The following EEPD1 variants were observed in gnomAD, a reference collection of about 807,000 sequenced individuals.
The protein encoded by EEPD1 is endonuclease/exonuclease/phosphatase family domain containing 1, also known as endonuclease/exonuclease/phosphatase family domain-containing protein 1.
In EEPD1, 17 loss-of-function variants were observed where a neutral mutation model predicts 46.3. That is an observed-to-expected ratio of 0.37 (90% CI 0.25 to 0.55). The LOEUF (loss-of-function observed/expected upper bound fraction) is 0.55, where lower values mean the gene tolerates loss of function less well. Among genes scored for constraint, EEPD1 ranks in the 20% least tolerant of loss-of-function variants. EEPD1 has a pLI of 0.83. For missense variants in EEPD1, 673 were observed against 745.6 expected, an observed-to-expected ratio of 0.90 and a Z score of 1.13; for synonymous variants, 313 against 315.6, an observed-to-expected ratio of 0.99 and a Z score of 0.09.
At chr7:36,246,105 A>G (rs1786636607) in intron 3 of EEPD1, among the ~76,000 whole-genome samples, 1 of 152,236 alleles carries the variant, frequency 6.6e-6, no homozygotes, top group Non-Finnish European at 1.5e-5. Context: ...GGACCGTGGT[A>G]GGACCAGAGG....
chr7:36,185,401 TGGAG>T (rs1216990743), intron 2 of EEPD1, among the ~76,000 whole-genome samples: 1 of 152,216 alleles, frequency 6.6e-6, no homozygotes, highest in Non-Finnish European at 1.5e-5. Flanking sequence ...CATTCTGTGG[TGGAG>T]GGACGCTTAG....
At chr7:36,186,359 C>T (rs754006617) in intron 2 of EEPD1, among the ~76,000 whole-genome samples, 6 of 152,142 alleles carry the variant, frequency 3.9e-5, no homozygotes, top group Non-Finnish European at 7.3e-5. Context: ...GAGTCAGGGC[C>T]GCTCTTCTGA....
chr7:36,268,649 A>G (rs996305475), intron 3 of EEPD1, among the ~76,000 whole-genome samples: 1 of 152,072 alleles, frequency 6.6e-6, no homozygotes, highest in Non-Finnish European at 1.5e-5. Flanking sequence ...GGTGTATTTC[A>G]GAAATTGTGC....
intron 3 of EEPD1, among the ~76,000 whole-genome samples, chr7:36,270,937 T>C (rs1327298107): frequency 6.6e-6 from 1 of 152,186 alleles, no homozygotes; most frequent in Non-Finnish European, 1.5e-5. Context: ...AAAGCGTTCC[T>C]ATTTCTCCAC....
chr7:36,219,764 A>G (rs993576302), intron 2 of EEPD1, among the ~76,000 whole-genome samples: 3 of 141,656 alleles, frequency 2.1e-5, no homozygotes, highest in African/African-American at 8.3e-5. Flanking sequence ...GCATTTAAAG[A>G]GAGAGAGAGA....
chr7:36,279,249 A>T (rs1179847007), intron 3 of EEPD1, among the ~76,000 whole-genome samples: 1 of 152,168 alleles, frequency 6.6e-6, no homozygotes, highest in Non-Finnish European at 1.5e-5. Context: ...GTAGGGGTTT[A>T]TAAAGGAGGC....
chr7:36,275,388 G>A (rs1297316960), intron 3 of EEPD1, among the ~76,000 whole-genome samples: 3 of 152,180 alleles, frequency 2.0e-5, no homozygotes, highest in East Asian at 1.9e-4. Context: ...TCTGAACTTA[G>A]TGGTAGCTGG....
chr7:36,209,566 C>T (rs1024726306), intron 2 of EEPD1, among the ~76,000 whole-genome samples: 1 of 152,160 alleles, frequency 6.6e-6, no homozygotes, highest in African/African-American at 2.4e-5. Flanking sequence ...TGATCCTTTC[C>T]TGTAGCTGGG....
At chr7:36,227,073 A>AG (rs368533136) in intron 2 of EEPD1, among the ~76,000 whole-genome samples, 13 of 152,002 alleles carry the variant, frequency 8.6e-5, no homozygotes, top group South Asian at 4.1e-4. Context: ...TAAAGAAGGG[A>AG]GGGGGGGTGG....
At chr7:36,279,557 G>C (rs555582192) in intron 3 of EEPD1, among the ~76,000 whole-genome samples, 1 of 152,314 alleles carries the variant, frequency 6.6e-6, no homozygotes, top group South Asian at 2.1e-4. Context: ...TATGTGGGCT[G>C]CCCAGGGGGC....
chr7:36,260,944 G>A (rs1309841312), intron 3 of EEPD1, among the ~76,000 whole-genome samples: 1 of 152,168 alleles, frequency 6.6e-6, no homozygotes, highest in Non-Finnish European at 1.5e-5. Flanking sequence ...ATTGTATTAG[G>A]TATTATAAGT....
chr7:36,203,267 G>A (rs909968095), intron 2 of EEPD1, among the ~76,000 whole-genome samples: 3 of 152,194 alleles, frequency 2.0e-5, no homozygotes, highest in African/African-American at 7.2e-5. Flanking sequence ...GGCATTCTGG[G>A]AGTGGGCTGC....
At chr7:36,230,223 GGACCC>G (rs2115763836) in intron 2 of EEPD1, among the ~76,000 whole-genome samples, 1 of 152,010 alleles carries the variant, frequency 6.6e-6, no homozygotes, top group South Asian at 2.1e-4. Flanking sequence ...TCTCTTACCT[GGACCC>G]GTCCTGGGTC....
At chr7:36,287,489 C>A in intron 5 of EEPD1, 150 bp from the exon 6 acceptor site, 1 of 1,233,220 alleles carries the variant, frequency 8.1e-7, no homozygotes, top group South Asian at 1.6e-5. Context: ...GATGAAAGAC[C>A]TTACATTATT....
intron 6 of EEPD1, among the ~76,000 whole-genome samples, chr7:36,291,181 T>G (rs932541956): frequency 4.6e-5 from 7 of 152,252 alleles, no homozygotes; most frequent in African/African-American, 1.7e-4. Context: ...TTTGTTTTCT[T>G]TGATATTCAA....
At chr7:36,226,114 T>C (rs1021163472) in intron 2 of EEPD1, among the ~76,000 whole-genome samples, 1 of 152,150 alleles carries the variant, frequency 6.6e-6, no homozygotes, top group Non-Finnish European at 1.5e-5. Context: ...GACAACCAAA[T>C]GCCTGTATTC....
intron 2 of EEPD1, among the ~76,000 whole-genome samples, chr7:36,219,160 C>A (rs1786087696): frequency 6.6e-6 from 1 of 151,856 alleles, no homozygotes; most frequent in Non-Finnish European, 1.5e-5. Context: ...ATTGGGTGGG[C>A]AGATGTGTGA....
intron 6 of EEPD1, among the ~76,000 whole-genome samples, chr7:36,290,401 A>G (rs1171456921): frequency 6.6e-6 from 1 of 151,808 alleles, no homozygotes; most frequent in African/African-American, 2.4e-5. Flanking sequence ...CCAATTAATT[A>G]TTAACTGGTG....
chr7:36,276,272 G>T (rs552607235), intron 3 of EEPD1, among the ~76,000 whole-genome samples: 1 of 152,310 alleles, frequency 6.6e-6, no homozygotes, highest in Admixed American at 6.5e-5. Context: ...GGCAATGAAA[G>T]TGCCATCTCT....
Sources: allele counts gnomAD v4.1 joint callset (sites outside exome capture counted in the v4.1 genomes callset), GRCh38; gene constraint gnomAD v4.1.1; transcripts MANE v1.5; gene names NCBI Gene and HGNC (gene_info 2026-07-23, HGNC 2026-07-21).